GPC6: variants seen among roughly 807,000 people sequenced by gnomAD.
GPC6 encodes the protein glypican-6.
A neutral mutation model predicts 55.2 loss-of-function variants in GPC6; 14 were observed. The observed-to-expected ratio is 0.25, with a 90% confidence interval of 0.17 to 0.40. The LOEUF (loss-of-function observed/expected upper bound fraction) is 0.40. Among genes scored for constraint, GPC6 ranks in the 10% least tolerant of loss-of-function variants. The pLI is 1.00. For synonymous variants in GPC6, 278 were observed against 259.6 expected (o/e 1.07, Z -0.68); for missense variants, 641 against 708.5 (o/e 0.90, Z 1.08).
At chr13:93,822,744 G>A (rs1887097864) in intron 2 of GPC6, among the ~76,000 whole-genome samples, 1 of 151,632 alleles carries the variant, frequency 6.6e-6, no homozygotes, top group Non-Finnish European at 1.5e-5. Flanking sequence ...ATGGTTTCCA[G>A]CTTCATTCAT....
intron 6 of GPC6, among the ~76,000 whole-genome samples, chr13:94,314,992 A>G (rs1356807933): frequency 2.0e-5 from 3 of 152,242 alleles, no homozygotes; most frequent in African/African-American, 4.8e-5. Context: ...ACTTCCCTTC[A>G]TAACTGTTAA....
At chr13:93,301,803 G>C (rs929195489) in intron 1 of GPC6, among the ~76,000 whole-genome samples, 4 of 152,046 alleles carry the variant, frequency 2.6e-5, no homozygotes, top group Admixed American at 2.6e-4. Flanking sequence ...ACTAGTGGAC[G>C]GTCTTCTTTG....
intron 3 of GPC6, among the ~76,000 whole-genome samples, chr13:93,941,929 A>G (rs1251868838): frequency 3.3e-5 from 5 of 152,164 alleles, no homozygotes; most frequent in South Asian, 2.1e-4. Flanking sequence ...GATAATATCA[A>G]TTTTGACTCT....
chr13:93,571,559 G>T (rs545259006), intron 2 of GPC6, among the ~76,000 whole-genome samples: 2 of 152,238 alleles, frequency 1.3e-5, no homozygotes, highest in Admixed American at 1.3e-4. Flanking sequence ...AGTTGTAACA[G>T]AATCTGCATG....
At chr13:93,280,169 TG>T (rs201083912) in intron 1 of GPC6, among the ~76,000 whole-genome samples, 1 of 151,680 alleles carries the variant, frequency 6.6e-6, no homozygotes, top group Non-Finnish European at 1.5e-5. Flanking sequence ...GGTTCACATG[TG>T]GGGGGGGCCA....
intron 3 of GPC6, among the ~76,000 whole-genome samples, chr13:93,985,233 G>A (rs745601194): frequency 1.2e-4 from 18 of 152,194 alleles, no homozygotes; most frequent in Non-Finnish European, 2.4e-4. Context: ...AAGAGATCGA[G>A]ACCATCCTGG....
intron 4 of GPC6, among the ~76,000 whole-genome samples, chr13:94,054,037 T>TAA (rs1344801188): frequency 6.6e-6 from 1 of 152,118 alleles, no homozygotes; most frequent in African/African-American, 2.4e-5. Flanking sequence ...TGCTAATAAT[T>TAA]AAAAGGATTA....
intron 3 of GPC6, among the ~76,000 whole-genome samples, chr13:93,942,951 G>T (rs1289470161): frequency 6.6e-6 from 1 of 152,064 alleles, no homozygotes; most frequent in Non-Finnish European, 1.5e-5. Flanking sequence ...ATTTGTCCAA[G>T]GTGCACAAAT....
At chr13:93,597,473 C>T (rs1471333813) in intron 2 of GPC6, among the ~76,000 whole-genome samples, 1 of 152,138 alleles carries the variant, frequency 6.6e-6, no homozygotes, top group African/African-American at 2.4e-5. Context: ...ACCTGGGCCC[C>T]CTTCCATCTA....
chr13:93,886,292 A>C (rs1373629850), intron 3 of GPC6, among the ~76,000 whole-genome samples: 3 of 152,042 alleles, frequency 2.0e-5, no homozygotes, highest in Non-Finnish European at 2.9e-5. Context: ...AGGCCCAAAA[A>C]ATCCAAGCTA....
chr13:93,490,344 C>T (rs1879918730), intron 1 of GPC6, among the ~76,000 whole-genome samples: 1 of 151,202 alleles, frequency 6.6e-6, no homozygotes, highest in African/African-American at 2.4e-5. Context: ...AACCTTATCA[C>T]ACTGCCAAGG....
intron 3 of GPC6, among the ~76,000 whole-genome samples, chr13:93,935,459 A>T (rs1878388978): frequency 6.6e-6 from 1 of 152,080 alleles, no homozygotes; most frequent in Non-Finnish European, 1.5e-5. Flanking sequence ...TGGCTGCATG[A>T]TATTCCATGG....
At chr13:93,364,167 T>A (rs530908945) in intron 1 of GPC6, among the ~76,000 whole-genome samples, 4 of 152,324 alleles carry the variant, frequency 2.6e-5, no homozygotes, top group Admixed American at 2.6e-4. Context: ...ATTTTGGCTT[T>A]TGTTGCCATT....
chr13:93,230,236 A>G (rs912306670), intron 1 of GPC6, among the ~76,000 whole-genome samples: 4 of 152,170 alleles, frequency 2.6e-5, no homozygotes, highest in African/African-American at 9.6e-5. Context: ...TAACTTGAGA[A>G]GTAATAAGGA....
At chr13:94,352,648 A>G (rs2139170288) in intron 6 of GPC6, among the ~76,000 whole-genome samples, 1 of 152,226 alleles carries the variant, frequency 6.6e-6, no homozygotes, top group Non-Finnish European at 1.5e-5. Flanking sequence ...ACTTTGCTCC[A>G]TGTTACTCAC....
chr13:94,361,584 C>T (rs1451075992), intron 6 of GPC6, among the ~76,000 whole-genome samples: 1 of 152,188 alleles, frequency 6.6e-6, no homozygotes, highest in African/African-American at 2.4e-5. Context: ...TATTCAATGC[C>T]CACTTTCGGA....
intron 4 of GPC6, among the ~76,000 whole-genome samples, chr13:94,146,767 T>C (rs1566464731): frequency 6.6e-6 from 1 of 152,136 alleles, no homozygotes; most frequent in African/African-American, 2.4e-5. Context: ...AAAGGCAATT[T>C]CTTAGAAATA....
intron 1 of GPC6, among the ~76,000 whole-genome samples, chr13:93,502,117 T>C (rs1054811663): frequency 6.6e-6 from 1 of 152,108 alleles, no homozygotes; most frequent in African/African-American, 2.4e-5. Context: ...TAAGTAGCAA[T>C]ATGTTCAGTT....
intron 2 of GPC6, among the ~76,000 whole-genome samples, chr13:93,734,801 AAAAC>A (rs1230621965): frequency 3.9e-5 from 6 of 152,170 alleles, no homozygotes; most frequent in African/African-American, 1.4e-4. Flanking sequence ...CCTCCTGTGG[AAAAC>A]AAACAACAAA....
Sources: allele counts gnomAD v4.1 joint callset (sites outside exome capture counted in the v4.1 genomes callset), GRCh38; gene constraint gnomAD v4.1.1; transcripts MANE v1.5; gene names NCBI Gene and HGNC (gene_info 2026-07-23, HGNC 2026-07-21).